Variants in BPIFB3 observed in about 807,000 individuals in gnomAD.
BPIFB3 encodes the protein BPI fold containing family B member 3.
BPIFB3 carries 49 observed loss-of-function variants against 53.1 expected under a neutral mutation model. That is an observed-to-expected ratio of 0.92 (90% CI 0.73 to 1.17). The LOEUF (loss-of-function observed/expected upper bound fraction) is 1.17. Ranked by LOEUF, BPIFB3 falls within the 50% of genes most tolerant of loss-of-function variation. The pLI, the probability that BPIFB3 is intolerant of heterozygous loss-of-function variation, is 0.00. For missense variants in BPIFB3, 628 were observed against 592.5 expected, an observed-to-expected ratio of 1.06 and a Z score of -0.62; for synonymous variants, 271 against 269.6, an observed-to-expected ratio of 1.01 and a Z score of -0.05.
intron 11 of BPIFB3, 115 bp from the exon 13 acceptor site, chr20:33,071,138 T>C: frequency 9.2e-7 from 1 of 1,092,664 alleles, no homozygotes; most frequent in Non-Finnish European, 1.3e-6. Context: ...AGAGGCAGAG[T>C]GTTGGGCTGG....
chr20:33,057,924 G>A (rs962380310), intron 2 of BPIFB3, among the ~76,000 whole-genome samples: 2 of 152,088 alleles, frequency 1.3e-5, no homozygotes, highest in African/African-American at 4.8e-5. Flanking sequence ...TGTGTGTCTA[G>A]CACTGTGCAT....
chr20:33,061,641 G>A (rs34975446), intron 4 of BPIFB3, 127 bp from the exon 6 acceptor site: 11 of 882,704 alleles, frequency 1.2e-5, no homozygotes, highest in South Asian at 5.3e-5. Flanking sequence ...CTCCAAAGCC[G>A]CAGTCAACAC....
At chr20:33,067,718 TC>T (rs1255261216) in intron 9 of BPIFB3, among the ~76,000 whole-genome samples, 1 of 152,152 alleles carries the variant, frequency 6.6e-6, no homozygotes, top group Non-Finnish European at 1.5e-5. Flanking sequence ...GGCAGGGGTA[TC>T]CAGAAGCAGC....
chr20:33,071,793 C>A (rs567546164), intron 12 of BPIFB3, among the ~76,000 whole-genome samples: 32 of 152,306 alleles, frequency 2.1e-4, no homozygotes, highest in Non-Finnish European at 3.5e-4. Flanking sequence ...TGGAGCTGGG[C>A]ACATTTCCTT....
intron 5 of BPIFB3, among the ~76,000 whole-genome samples, chr20:33,062,786 G>A (rs1980510556): frequency 6.6e-6 from 1 of 152,140 alleles, no homozygotes; most frequent in African/African-American, 2.4e-5. Context: ...AGTACCTCTG[G>A]TACCTCCCAT....
rs745600640 is a variant in BPIFB3 at position 33,059,354 on chromosome 20, C to A, written c.282-24C>A. The A allele has an allele frequency of 8.2e-6, 13 of 1,577,616 alleles. No individual in the cohort carries two copies. In the Middle Eastern group the frequency reaches 1.2e-3, roughly 149 times the overall value. ...GGCTGGGATGTCTGGGAGTGAGCAA[C>A]CCTCTCCCTGACTCCCATCCTAGTC... On this transcript the variant is annotated intron_variant, in intron 2 of 14. Coordinates refer to ENST00000375494, the Ensembl canonical transcript of BPIFB3.
At chr20:33,066,178 G>C (rs959466103) in intron 8 of BPIFB3, among the ~76,000 whole-genome samples, 5 of 152,160 alleles carry the variant, frequency 3.3e-5, no homozygotes, top group African/African-American at 1.2e-4. Context: ...GCCCCCGGAG[G>C]CTGGGCCATC....
Position 33,072,095 on chromosome 20 carries a change from C to G in BPIFB3, c.1261-9C>G, listed in dbSNP as rs1177181563. On this transcript the variant is annotated splice_polypyrimidine_tract_variant and intron_variant, in intron 12 of 14. Transcript: ENST00000375494. ...CACCACCCCCACCACCCTGTGTGTTCTGTTGCAGGGATCGCGTTTAGAAGA... is the reference window on the plus strand; with the variant it reads ...CACCACCCCCACCACCCTGTGTGTTGTGTTGCAGGGATCGCGTTTAGAAGA... 6.2e-7 allele frequency: 1 copy of G among 1,614,046 alleles called. No homozygotes were observed.
chr20:33,059,591 T>G, intron 3 of BPIFB3, 109 bp downstream of exon 4: 1 of 780,280 alleles, frequency 1.3e-6, no homozygotes, highest in Non-Finnish European at 2.1e-6. Context: ...GTATCCCCCA[T>G]TTCCTTTCAC....
At chr20:33,063,020 G>A (rs1980519448) in intron 5 of BPIFB3, among the ~76,000 whole-genome samples, 2 of 152,206 alleles carry the variant, frequency 1.3e-5, no homozygotes, top group Non-Finnish European at 2.9e-5. Context: ...CCTCTCTGAG[G>A]CTCCCACTCC....
chr20:33,055,008 C>A (rs1980131986), upstream of BPIFB3, among the ~76,000 whole-genome samples: 1 of 152,230 alleles, frequency 6.6e-6, no homozygotes, highest in Non-Finnish European at 1.5e-5. Context: ...GAGGGGGAAG[C>A]CCCTCTGTCT....
At position 33,072,075 on chromosome 20, in the gene BPIFB3, C is replaced by G. The variant is rs142835324; in HGVS notation, c.1261-29C>G. 8.6e-5 allele frequency: 139 copies of G among 1,612,562 alleles called. No individual in the cohort carries two copies. In the Middle Eastern group the frequency reaches 2.0e-3, roughly 23 times the overall value. On this transcript the variant is annotated intron_variant, in intron 12 of 14. Coordinates refer to ENST00000375494, the Ensembl canonical transcript of BPIFB3. ...TGTAAAGCCACACCCCAGAGCACCACCCCCACCACCCTGTGTGTTCTGTTG... is the reference window on the plus strand; with the variant it reads ...TGTAAAGCCACACCCCAGAGCACCAGCCCCACCACCCTGTGTGTTCTGTTG...
At chr20:33,060,164 C>T (rs574062722) in intron 4 of BPIFB3, 133 bp downstream of exon 5, 28 of 1,223,780 alleles carry the variant, frequency 2.3e-5, no homozygotes, top group East Asian at 5.0e-5. Context: ...CTTGTCCCGC[C>T]GGTTTCAACC....
At chr20:33,059,520 T>C (rs934092178) in intron 3 of BPIFB3, 38 bp downstream of exon 4, 2 of 1,471,390 alleles carry the variant, frequency 1.4e-6, no homozygotes, top group Middle Eastern at 1.7e-4. Context: ...TCCTGCTTCC[T>C]ATCCCACCCC....
chr20:33,069,087 G>A (rs1980782356), intron 10 of BPIFB3, 114 bp downstream of exon 11: 9 of 1,218,646 alleles, frequency 7.4e-6, no homozygotes, highest in Non-Finnish European at 1.0e-5. Context: ...GCCCCACATA[G>A]TCCAGCACAG....
At position 33,068,993 on chromosome 20, in the gene BPIFB3, C is replaced by T. The variant is rs775922423; in HGVS notation, c.1149+20C>T. 1.2e-6 allele frequency: 2 copies of T among 1,603,614 alleles called. No individual in the cohort carries two copies. Among genetic ancestry groups the T allele is most frequent in the Non-Finnish European group, 8.5e-7 (1 of 1,172,518 alleles). ...AACTCCGTGAGTGGTCAAGGGGTGG[C>T]TGGGGGCCCGGCATTGGGGTTCCAA... is the stretch of plus-strand genomic sequence containing the variant. On this transcript the variant is annotated intron_variant, in intron 10 of 14. Coordinates refer to ENST00000375494, the Ensembl canonical transcript of BPIFB3.
exon 12 of BPIFB3, chr20:33,071,264 A>G (rs1980875784): frequency 1.3e-6 from 2 of 1,565,582 alleles, no homozygotes; most frequent in Non-Finnish European, 8.7e-7. Flanking sequence ...CTCAGTGTCA[A>G]GGTGGCCTCC....
At chr20:33,066,265 A>G (rs1229712697) in intron 8 of BPIFB3, among the ~76,000 whole-genome samples, 2 of 152,242 alleles carry the variant, frequency 1.3e-5, no homozygotes, top group African/African-American at 4.8e-5. Context: ...CTCAGCTGCC[A>G]CAAGGGGAGG....
intron 8 of BPIFB3, 78 bp downstream of exon 9, chr20:33,064,923 C>A: frequency 6.8e-7 from 1 of 1,470,076 alleles, no homozygotes; most frequent in Non-Finnish European, 9.2e-7. Context: ...TTGACCTAGG[C>A]CCTGATCAGC....
Sources: gnomAD v4.1 joint callset for allele counts (sites outside exome capture counted in the v4.1 genomes callset) on GRCh38, gnomAD v4.1.1 for gene constraint, MANE v1.5 for transcripts, NCBI Gene and HGNC (gene_info 2026-07-23, HGNC 2026-07-21) for gene names.